Variants in NSUN2 observed in about 807,000 individuals in gnomAD.
NSUN2 encodes NOP2/Sun RNA methyltransferase 2.
NSUN2 carries 63 observed loss-of-function variants against 92.7 expected under a neutral mutation model. The observed-to-expected ratio is 0.68, with a 90% CI of 0.56 to 0.84. NSUN2 has a LOEUF of 0.84. Among genes scored for constraint, NSUN2 ranks in the 40% least tolerant of loss-of-function variants. NSUN2 has a pLI of 0.00. For missense variants in NSUN2, 989 were observed against 964.9 expected (o/e 1.02, Z -0.33); for synonymous variants, 356 against 348.3 (o/e 1.02, Z -0.25).
Position 6,600,053 on chromosome 5 carries a change from C to T in NSUN2, c.2177G>A (p.Gly726Glu), listed in dbSNP as rs370592383. 5.0e-6 allele frequency: 8 copies of T among 1,614,124 alleles called. No individual in the cohort carries two copies. The African/African-American group carries it at 9.3e-5, about 19-fold the overall frequency. The change falls in exon 19 of 19, where the codon GGA (glycine) becomes GAA (glutamate). Residue 726 changes from glycine to glutamate, a missense_variant. By Grantham distance (98) the Gly-to-Glu change is moderately conservative. Transcript: ENST00000264670. Reference protein sequence around the residue: ...ILTNESAASTGQPDNDVTEGQ... With the variant: ...ILTNESAASTEQPDNDVTEGQ... ...CTCAGTCACGTCATTGTCTGGCTGTCCGGTGCTGGCTGCACTCTCATTTGT... is the reference window on the plus strand; with the variant it reads ...CTCAGTCACGTCATTGTCTGGCTGTTCGGTGCTGGCTGCACTCTCATTTGT...
At chr5:6,613,137 A>G (rs1050009876) in intron 9 of NSUN2, among the ~76,000 whole-genome samples, 23 of 152,270 alleles carry the variant, frequency 1.5e-4, no homozygotes, top group African/African-American at 2.4e-5. Context: ...CCACCTGTCC[A>G]GTAAGAAAAT....
chr5:6,607,803 T>G (rs720846), intron 12 of NSUN2, among the ~76,000 whole-genome samples: 1 of 151,998 alleles, frequency 6.6e-6, no homozygotes, highest in African/African-American at 2.4e-5. Context: ...AAGGAGGGTA[T>G]GAATTGTTCT....
intron 11 of NSUN2, 77 bp downstream of exon 11, chr5:6,610,878 C>T: frequency 1.9e-6 from 3 of 1,557,428 alleles, no homozygotes; most frequent in African/African-American, 2.7e-5. Flanking sequence ...CAACTCACCC[C>T]AACAAGACTC....
chr5:6,633,038 G>GC lies in NSUN2; in HGVS notation c.-60dup, dbSNP rs1242275010. 1 of 1,371,994 alleles carries GC rather than the reference G, an allele frequency of 7.3e-7. No homozygotes were observed. The highest frequency in any genetic ancestry group is 9.4e-7 in the Non-Finnish European group (1 of 1,065,412). 85.0% of individuals were successfully genotyped at this position (1,371,994 alleles called of 1,614,324 possible). A position where few individuals can be genotyped will look rare whatever the true frequency, so the allele number is the denominator to read the frequency against. ...CCGGCCCGCCACGGCCAGAACTCTA[G>GC]CCCTACACCTCCCGGGACTTCCGGC... On this transcript the variant is annotated 5_prime_UTR_variant, in exon 1 of 19. Transcript: ENST00000264670.
chr5:6,624,073 G>T (rs1737560401), intron 4 of NSUN2, among the ~76,000 whole-genome samples: 1 of 152,206 alleles, frequency 6.6e-6, no homozygotes, highest in South Asian at 2.1e-4. Flanking sequence ...ACTCAGGCAT[G>T]TGACTGTCAA....
At chr5:6,618,412 GACT>G (rs1737299957) in intron 7 of NSUN2, among the ~76,000 whole-genome samples, 2 of 152,174 alleles carry the variant, frequency 1.3e-5, no homozygotes, top group Non-Finnish European at 2.9e-5. Context: ...CATGAATAAT[GACT>G]AATAAGAAAT....
rs1736444933 is a variant in NSUN2 at position 6,599,260 on chromosome 5, A to G, written c.*666T>C. The G allele has an allele frequency of 1.3e-5, 2 of 152,662 alleles. No homozygotes were observed. Among genetic ancestry groups the G allele is most frequent in the South Asian group, 4.1e-4 (2 of 4,836 alleles). 9.5% of individuals were successfully genotyped at this position (152,662 alleles called of 1,614,324 possible). A position where few individuals can be genotyped will look rare whatever the true frequency, so the allele number is the denominator to read the frequency against. ...TGTATATATTTTATCAATTTTATTG[A>G]AATATTCCAAGGATCCCAACCCCAT... On this transcript the variant is annotated 3_prime_UTR_variant, in exon 19 of 19. Transcript: ENST00000264670.
intron 7 of NSUN2, among the ~76,000 whole-genome samples, chr5:6,619,542 A>T (rs972160101): frequency 2.6e-5 from 4 of 152,204 alleles, no homozygotes; most frequent in African/African-American, 4.8e-5. Flanking sequence ...CAGTTATACC[A>T]TGAGTATTAT....
intron 18 of NSUN2, among the ~76,000 whole-genome samples, chr5:6,600,601 G>A (rs1736511818): frequency 6.6e-6 from 1 of 152,042 alleles, no homozygotes; most frequent in East Asian, 1.9e-4. Context: ...TTCTCCACAG[G>A]CTCCCTGCAG....
chr5:6,632,848 G>A, intron 1 of NSUN2, 36 bp downstream of exon 1: 1 of 1,544,910 alleles, frequency 6.5e-7, no homozygotes, highest in Non-Finnish European at 8.7e-7. Context: ...AGCCCAGGAG[G>A]AGCCCCTGGC....
intron 18 of NSUN2, among the ~76,000 whole-genome samples, chr5:6,602,127 C>A (rs769489806): frequency 2.3e-4 from 35 of 152,176 alleles, no homozygotes; most frequent in Admixed American, 1.9e-3. Context: ...GACAAAAGAA[C>A]GGAACCTCAC....
At chr5:6,603,958 T>C in intron 17 of NSUN2, 180 bp downstream of exon 17, 1 of 589,548 alleles carries the variant, frequency 1.7e-6, no homozygotes, top group Admixed American at 3.2e-5. Flanking sequence ...CAAGATGCCT[T>C]TGACCCTTAG....
intron 12 of NSUN2, among the ~76,000 whole-genome samples, chr5:6,609,439 T>A (rs948016080): frequency 6.6e-6 from 1 of 152,186 alleles, no homozygotes; most frequent in Non-Finnish European, 1.5e-5. Flanking sequence ...CCGGGCTGGC[T>A]TGGGGTCAGC....
chr5:6,606,968 T>C, intron 13 of NSUN2, 56 bp from the exon 14 acceptor site: 3 of 1,114,664 alleles, frequency 2.7e-6, no homozygotes, highest in Non-Finnish European at 4.0e-6. Flanking sequence ...TAACCTTCAA[T>C]ACCAAAAGCA....
intron 3 of NSUN2, among the ~76,000 whole-genome samples, chr5:6,629,936 T>C (rs887947477): frequency 1.3e-5 from 2 of 152,230 alleles, no homozygotes; most frequent in Admixed American, 6.5e-5. Context: ...GATGTGGAAA[T>C]GTGAGTCAAT....
chr5:6,621,722 T>C (rs557922389), intron 6 of NSUN2: 7 of 249,506 alleles, frequency 2.8e-5, no homozygotes, highest in African/African-American at 1.7e-4. Context: ...CACTCCAGCC[T>C]GGGCAACAGA....
At position 6,609,994 on chromosome 5, in the gene NSUN2, C is replaced by T. The variant is rs553171905; in HGVS notation, c.1227-72G>A. The T allele has an allele frequency of 5.1e-5, 52 of 1,015,358 alleles. 2 individuals carry two copies. The South Asian group carries it at 7.2e-4, about 14-fold the overall frequency. The allele number at this position is 1,015,358 out of a possible 1,614,324, so 62.9% of individuals were successfully genotyped here. A position where few individuals can be genotyped will look rare whatever the true frequency, so the allele number is the denominator to read the frequency against. ...ATTCTTTTACTATTAAGACAAATACCGCAAAGATGATACAAGAGAAAAATC... is the reference window on the plus strand; with the variant it reads ...ATTCTTTTACTATTAAGACAAATACTGCAAAGATGATACAAGAGAAAAATC... On this transcript the variant is annotated intron_variant, in intron 11 of 18. Transcript: ENST00000264670.
chr5:6,622,717 C>A (rs150530949), intron 5 of NSUN2, among the ~76,000 whole-genome samples: 1 of 151,790 alleles, frequency 6.6e-6, no homozygotes, highest in Non-Finnish European at 1.5e-5. Context: ...TGTGGTGGTG[C>A]GCACCTGTAA....
intron 3 of NSUN2, among the ~76,000 whole-genome samples, chr5:6,628,411 T>C (rs1487928235): frequency 1.3e-5 from 2 of 152,190 alleles, no homozygotes; most frequent in South Asian, 2.1e-4. Flanking sequence ...CAATTGGTTG[T>C]CAAAACAATG....
Sources: gnomAD v4.1 joint callset for allele counts (sites outside exome capture counted in the v4.1 genomes callset) on GRCh38, gnomAD v4.1.1 for gene constraint, MANE v1.5 for transcripts, NCBI Gene and HGNC (gene_info 2026-07-23, HGNC 2026-07-21) for gene names.